Variants in SHCBP1L observed in about 807,000 individuals in gnomAD.
The protein encoded by SHCBP1L is testicular spindle-associated protein SHCBP1L.
SHCBP1L carries 67 observed loss-of-function variants against 62.5 expected under a neutral mutation model. The observed-to-expected ratio is 1.07, with a 90% CI of 0.88 to 1.31. The LOEUF (loss-of-function observed/expected upper bound fraction) is 1.31. Ranked by LOEUF, SHCBP1L falls within the 40% of genes most tolerant of loss-of-function variation. SHCBP1L has a pLI of 0.00. For synonymous variants in SHCBP1L, 284 were observed against 289.4 expected (o/e 0.98, Z 0.19); for missense variants, 823 against 809.8 (o/e 1.02, Z -0.20).
At chr1:182,918,107 TAC>T (rs1650410394) in intron 6 of SHCBP1L, among the ~76,000 whole-genome samples, 3 of 149,108 alleles carry the variant, frequency 2.0e-5, no homozygotes, top group South Asian at 2.1e-4. Context: ...TATGTATATA[TAC>T]ACACACATAT....
rs1439428912 is a variant in SHCBP1L, at chr1:182,900,150, C to T, written c.1795G>A (p.Glu599Lys). Reference protein sequence around the residue: ...GYGVSILQPMEQFFIVAEEAL... With the variant: ...GYGVSILQPMKQFFIVAEEAL... ...TCTTCTGCTACGATAAAAAACTGTT[C>T]CATTGGTTGAAGAATGCTTACTCCA... is the stretch of plus-strand genomic sequence containing the variant. Residue 599 changes from glutamate (E) to lysine (K), a missense_variant, in exon 10 of 10, where the codon GAA becomes AAA. Physicochemically the swap from Glu to Lys is moderately conservative, Grantham distance 56. Transcript: ENST00000367547. 17 of 1,612,000 alleles carry T rather than the reference C, an allele frequency of 1.1e-5. No individual in the cohort carries two copies. Among genetic ancestry groups the T allele is most frequent in the Non-Finnish European group, 1.4e-5 (16 of 1,179,012 alleles).
chr1:182,912,795 T>G (rs1228894090), intron 6 of SHCBP1L, among the ~76,000 whole-genome samples: 1 of 151,638 alleles, frequency 6.6e-6, no homozygotes, highest in African/African-American at 2.4e-5. Flanking sequence ...AGTGCTGGGA[T>G]TACAGGCATG....
intron 6 of SHCBP1L, among the ~76,000 whole-genome samples, chr1:182,910,943 G>A (rs1487770909): frequency 5.3e-5 from 8 of 151,956 alleles, no homozygotes; most frequent in Admixed American, 5.2e-4. Flanking sequence ...AGGCTGGAGT[G>A]CAGTGGGACA....
chr1:182,952,235 T>TACACACACACACAC (rs68031715), intron 1 of SHCBP1L, among the ~76,000 whole-genome samples: 2 of 42,836 alleles, frequency 4.7e-5, no homozygotes, highest in African/African-American at 2.3e-4. Context: ...TATATATATA[T>TACACACACACACAC]ACACACACAC....
intron 6 of SHCBP1L, among the ~76,000 whole-genome samples, chr1:182,924,972 A>AAGAAAG (rs1401940233): frequency 3.6e-5 from 5 of 140,638 alleles, no homozygotes. Context: ...GAAAGAAAGA[A>AAGAAAG]AGAAAAAAAA....
At chr1:182,946,055 G>A (rs541693095) in intron 2 of SHCBP1L, among the ~76,000 whole-genome samples, 33 of 143,164 alleles carry the variant, frequency 2.3e-4, no homozygotes, top group Middle Eastern at 3.6e-3. Flanking sequence ...GCAAGACTCC[G>A]TCTTAAAAAA....
chr1:182,927,697 A>G (rs1299774289), intron 6 of SHCBP1L, among the ~76,000 whole-genome samples: 1 of 150,390 alleles, frequency 6.6e-6, no homozygotes, highest in East Asian at 2.0e-4. Context: ...AAAAGCTTAT[A>G]TGCACAGCTA....
Position 182,924,763 on chromosome 1 carries a change from A to G in SHCBP1L, c.1182+4884T>C, listed in dbSNP as rs1399101866. Among the ~76,000 whole-genome samples the G allele has an allele frequency of 2.6e-5, 3 of 113,314 alleles. No homozygotes were observed. In the East Asian group the frequency reaches 7.7e-4, roughly 29 times the overall value. The allele number at this position is 113,314 out of a possible 152,430, so 74.3% of individuals were successfully genotyped here. On this transcript the variant is annotated intron_variant, in intron 6 of 9. Transcript: ENST00000367547. ...AAGAAAGAAAGAAAGAAAGAAAGAA[A>G]GAAAGAAAGAAAGAAAGAAAGAAAG...
At chr1:182,903,553 G>T (rs955042417) in intron 8 of SHCBP1L, among the ~76,000 whole-genome samples, 5 of 152,104 alleles carry the variant, frequency 3.3e-5, no homozygotes, top group Non-Finnish European at 7.4e-5. Context: ...TCTTTAAAAA[G>T]ATGCTCTTAT....
chr1:182,951,973 G>T (rs775564418), intron 1 of SHCBP1L: 1 of 335,092 alleles, frequency 3.0e-6, no homozygotes, highest in South Asian at 2.1e-5. Context: ...TGACCAACTG[G>T]AGAAACCCCA....
intron 5 of SHCBP1L, among the ~76,000 whole-genome samples, chr1:182,930,725 G>T (rs927288733): frequency 7.9e-4 from 22 of 28,002 alleles, no homozygotes; most frequent in East Asian, 3.0e-3. Context: ...ATATATATAT[G>T]TATTTTTTTT....
rs1271089256 is a variant in SHCBP1L at position 182,905,517 on chromosome 1, T to A, written c.1315A>T (p.Thr439Ser). The stretch of plus-strand genomic sequence containing the variant: ...TAACCCTTTATAATGATGTCATCTG[T>A]CAACAAAGCAAGATTTGCAGCTTGA... Reference protein sequence around the residue: ...EYQAANLALLTDDIIIKGVGK... With the variant: ...EYQAANLALLSDDIIIKGVGK... The change falls in exon 7 of 10, where the codon ACA becomes TCA. Residue 439 changes from threonine (T) to serine (S), a missense_variant. Transcript: ENST00000367547. The A allele has an allele frequency of 6.2e-7, 1 of 1,613,764 alleles. No individual in the cohort carries two copies. The highest frequency in any genetic ancestry group is 1.1e-5 in the South Asian group (1 of 91,068).
At chr1:182,907,826 G>A (rs1033243050) in intron 6 of SHCBP1L, among the ~76,000 whole-genome samples, 25 of 152,066 alleles carry the variant, frequency 1.6e-4, no homozygotes, top group African/African-American at 4.6e-4. Flanking sequence ...TGATCCACCC[G>A]CCTTGGTCTC....
intron 6 of SHCBP1L, among the ~76,000 whole-genome samples, chr1:182,924,836 G>A (rs1021877363): frequency 2.1e-5 from 3 of 143,020 alleles, no homozygotes; most frequent in Non-Finnish European, 3.0e-5. Flanking sequence ...GGTGGGGGAA[G>A]GAGGGAGGAA....
intron 6 of SHCBP1L, among the ~76,000 whole-genome samples, chr1:182,926,370 A>G (rs912189286): frequency 6.6e-6 from 1 of 152,232 alleles, no homozygotes; most frequent in Non-Finnish European, 1.5e-5. Context: ...GTAGCACTTC[A>G]GGAAAAATCT....
At chr1:182,909,498 G>A (rs1365619323) in intron 6 of SHCBP1L, among the ~76,000 whole-genome samples, 3 of 152,178 alleles carry the variant, frequency 2.0e-5, no homozygotes, top group Non-Finnish European at 4.4e-5. Context: ...AAAATCAGGA[G>A]ACTAGGATGT....
chr1:182,922,815 T>C (rs1650565897), intron 6 of SHCBP1L, among the ~76,000 whole-genome samples: 1 of 152,038 alleles, frequency 6.6e-6, no homozygotes, highest in African/African-American at 2.4e-5. Context: ...AGATCTCAAA[T>C]TGACAACCTA....
At chr1:182,949,827 CTTTTT>C (rs1193224921) in intron 2 of SHCBP1L, among the ~76,000 whole-genome samples, 1 of 136,932 alleles carries the variant, frequency 7.3e-6, no homozygotes, top group Admixed American at 7.3e-5. Flanking sequence ...ATATGGTATT[CTTTTT>C]TTTTTTTTTT....
chr1:182,937,299 G>T (rs987937504), intron 5 of SHCBP1L, among the ~76,000 whole-genome samples: 4 of 152,040 alleles, frequency 2.6e-5, no homozygotes, highest in Non-Finnish European at 5.9e-5. Flanking sequence ...AATTTCACTA[G>T]ATACAGAATT....
Sources: allele counts gnomAD v4.1 joint callset (sites outside exome capture counted in the v4.1 genomes callset), GRCh38; gene constraint gnomAD v4.1.1; transcripts MANE v1.5; gene names NCBI Gene and HGNC (gene_info 2026-07-23, HGNC 2026-07-21).